Variants in PRIM2 observed in about 807,000 individuals in gnomAD.
The protein encoded by PRIM2 is DNA primase subunit 2.
A neutral mutation model predicts 67.3 loss-of-function variants in PRIM2; 39 were observed. The ratio of observed to expected loss-of-function variants is 0.58; its 90% confidence interval spans 0.45 to 0.76. The LOEUF (loss-of-function observed/expected upper bound fraction) is 0.76, where lower values mean the gene tolerates loss of function less well. Among genes scored for constraint, PRIM2 ranks in the 30% least tolerant of loss-of-function variants. The pLI is 0.00. For synonymous variants in PRIM2, 143 were observed against 198.7 expected, an observed-to-expected ratio of 0.72 and a Z score of 2.36; for missense variants, 398 against 598.7, an observed-to-expected ratio of 0.66 and a Z score of 3.50.
At chr6:57,430,304 TA>T (rs1771773984) in intron 7 of PRIM2, among the ~76,000 whole-genome samples, 1 of 152,150 alleles carries the variant, frequency 6.6e-6, no homozygotes, top group Non-Finnish European at 1.5e-5. Flanking sequence ...GCTACCCCTT[TA>T]CATACTTGCT....
intron 10 of PRIM2, among the ~76,000 whole-genome samples, chr6:57,546,223 G>T (rs1775288707): frequency 6.6e-6 from 1 of 152,178 alleles, no homozygotes; most frequent in Admixed American, 6.5e-5. Flanking sequence ...GATTATATAG[G>T]CCAACATTGA....
chr6:57,500,408 C>A (rs1434073113), intron 7 of PRIM2, among the ~76,000 whole-genome samples: 1 of 152,150 alleles, frequency 6.6e-6, no homozygotes, highest in Non-Finnish European at 1.5e-5. Flanking sequence ...AGGAATTAAC[C>A]AGTGTCAACA....
At chr6:57,270,035 C>T in the PRIM2 span, among the ~76,000 whole-genome samples, 1 of 152,046 alleles carries the variant, frequency 6.6e-6, no homozygotes. Context: ...TTACTGTAGC[C>T]TTGTAGTATA....
chr6:57,228,751 T>A, the PRIM2 span, among the ~76,000 whole-genome samples: 16 of 152,226 alleles, frequency 1.1e-4, no homozygotes, highest in Admixed American at 5.9e-4. Context: ...CCGTGTTACC[T>A]TGGACAAGTT....
the PRIM2 span, among the ~76,000 whole-genome samples, chr6:57,237,783 T>C: frequency 2.6e-5 from 4 of 152,180 alleles, no homozygotes; most frequent in Admixed American, 6.5e-5. Flanking sequence ...ATATCTCTGT[T>C]TTTGTACCAG....
intron 7 of PRIM2, among the ~76,000 whole-genome samples, chr6:57,452,161 A>G (rs1298316774): frequency 2.0e-5 from 3 of 151,802 alleles, no homozygotes; most frequent in African/African-American, 4.8e-5. Context: ...TATGTGCCAC[A>G]TTTTCTTTAT....
the PRIM2 span, among the ~76,000 whole-genome samples, chr6:57,290,105 A>G: frequency 6.7e-6 from 1 of 150,222 alleles, no homozygotes; most frequent in Non-Finnish European, 1.5e-5. Flanking sequence ...GGATGGAGGA[A>G]GATCTACCAA....
At position 57,442,986 on chromosome 6, in the gene PRIM2, C is replaced by G. The variant is rs60600423; in HGVS notation, c.693+60818C>G. On this transcript the variant is annotated intron_variant, in intron 7 of 13. Transcript: ENST00000615550. ...ACCTTCTATTCTCTGCTTCTGAGTT[C>G]GATTATTTTAGATTCCCCATGTGAG... 8.0e-3 allele frequency among the ~76,000 whole-genome samples: 1,223 copies of G among 152,174 alleles called. 10 individuals carry two copies. Among genetic ancestry groups the G allele is most frequent in the African/African-American group, 0.028 (1,153 of 41,546 alleles).
chr6:57,398,150 G>A (rs111386705), intron 7 of PRIM2, among the ~76,000 whole-genome samples: 5 of 151,838 alleles, frequency 3.3e-5, no homozygotes, highest in African/African-American at 1.2e-4. Context: ...AGTAGAGGTG[G>A]GGTTTCACCG....
chr6:57,513,004 G>A lies in PRIM2; in HGVS notation c.761+5550G>A, dbSNP rs1452602994. On this transcript the variant is annotated intron_variant, in intron 8 of 13. Transcript: ENST00000615550. ...TAAGACTATACCATTTTTCAAAATT[G>A]ATACCAGGAACTTTTCTATTGGAAG... 2.6e-5 allele frequency among the ~76,000 whole-genome samples: 4 copies of A among 152,076 alleles called. No homozygotes were observed. The East Asian group carries it at 7.7e-4, about 29-fold the overall frequency.
chr6:57,446,624 A>G (rs979478298), intron 7 of PRIM2, among the ~76,000 whole-genome samples: 9 of 151,908 alleles, frequency 5.9e-5, no homozygotes, highest in Admixed American at 1.3e-4. Context: ...GGTGAGAAGC[A>G]CTAGAAATAT....
chr6:57,419,356 C>T (rs1771386571), intron 7 of PRIM2, among the ~76,000 whole-genome samples: 1 of 151,980 alleles, frequency 6.6e-6, no homozygotes, highest in African/African-American at 2.4e-5. Flanking sequence ...TTTTGGTGTC[C>T]AATAGGGTTC....
intron 7 of PRIM2, among the ~76,000 whole-genome samples, chr6:57,441,202 G>C (rs1008406481): frequency 6.6e-5 from 10 of 152,132 alleles, no homozygotes; most frequent in African/African-American, 2.4e-4. Context: ...TTAAAGAGAA[G>C]CCCAATCAAG....
the PRIM2 span, among the ~76,000 whole-genome samples, chr6:57,255,034 C>T: frequency 6.6e-6 from 1 of 152,126 alleles, no homozygotes; most frequent in Non-Finnish European, 1.5e-5. Flanking sequence ...GTCTTCTTTC[C>T]CAGTTCGTCT....
chr6:57,488,092 C>T (rs1386793157), intron 7 of PRIM2, among the ~76,000 whole-genome samples: 6 of 152,128 alleles, frequency 3.9e-5, no homozygotes, highest in South Asian at 2.1e-4. Context: ...TGAACTCAGG[C>T]GTGTCTGACC....
intron 10 of PRIM2, among the ~76,000 whole-genome samples, chr6:57,574,121 T>G (rs1236151459): frequency 6.6e-6 from 1 of 152,138 alleles, no homozygotes; most frequent in Non-Finnish European, 1.5e-5. Flanking sequence ...AAACCTGCAC[T>G]GTGGCCTATG....
chr6:57,296,323 C>T, the PRIM2 span, among the ~76,000 whole-genome samples: 1 of 151,204 alleles, frequency 6.6e-6, no homozygotes, highest in Non-Finnish European at 1.5e-5. Context: ...AATTCTGCAT[C>T]TACTTTATAT....
intron 5 of PRIM2, among the ~76,000 whole-genome samples, chr6:57,352,597 A>C (rs943564192): frequency 6.6e-6 from 1 of 152,170 alleles, no homozygotes; most frequent in Non-Finnish European, 1.5e-5. Flanking sequence ...CCTTGGTTGA[A>C]TATATGTTTT....
At chr6:57,522,340 A>G in intron 8 of PRIM2, among the ~76,000 whole-genome samples, 1 of 152,278 alleles carries the variant, frequency 6.6e-6, no homozygotes. Flanking sequence ...AGTCCTCCAG[A>G]GAACTATTTG....
Sources: gnomAD v4.1 joint callset for allele counts (sites outside exome capture counted in the v4.1 genomes callset) on GRCh38, gnomAD v4.1.1 for gene constraint, MANE v1.5 for transcripts, NCBI Gene and HGNC (gene_info 2026-07-23, HGNC 2026-07-21) for gene names.